ZNF74: variants seen among roughly 807,000 people sequenced by gnomAD.
ZNF74 encodes the protein zinc finger protein 520.
In ZNF74, 12 loss-of-function variants were observed where a neutral mutation model predicts 17.7. The observed-to-expected ratio is 0.68, with a 90% CI of 0.43 to 1.10. The LOEUF is 1.10. ZNF74 is among the 50% of genes least tolerant of loss of function. The probability of loss-of-function intolerance (pLI) is 0.00; values close to 1 mark genes in which losing one functional copy is unlikely to be tolerated. For missense variants in ZNF74, 811 were observed against 881.0 expected (o/e 0.92, Z 1.01); for synonymous variants, 358 against 362.1 (o/e 0.99, Z 0.13).
At position 20,403,845 on chromosome 22, in the gene ZNF74, C is replaced by T. The variant is rs561184614; in HGVS notation, c.344-1532C>T. 1.1e-3 allele frequency among the ~76,000 whole-genome samples: 168 copies of T among 148,804 alleles called. No homozygotes were observed. In the Middle Eastern group the frequency reaches 0.014, roughly 12 times the overall value. On this transcript the variant is annotated intron_variant, in intron 4 of 4. Transcript: ENST00000400451. ...CTCTGTGCAAAAGGCCTTTCTTCCCCGGCTGCCCTCTGAGTCAGGCATCTG... is the reference window on the plus strand; with the variant it reads ...CTCTGTGCAAAAGGCCTTTCTTCCCTGGCTGCCCTCTGAGTCAGGCATCTG...
rs944649501 is a variant in ZNF74 at position 20,406,326 on chromosome 22, C to A, written c.1293C>A (p.Leu431=). 25 of 1,612,434 alleles carry A rather than the reference C, an allele frequency of 1.6e-5. No homozygotes were observed. The highest frequency in any genetic ancestry group is 2.1e-5 in the Non-Finnish European group (25 of 1,179,890). Residue 431 remains leucine (L), a synonymous_variant, in exon 5 of 5, where the codon CTC becomes CTA. Transcript: ENST00000400451. The stretch of plus-strand genomic sequence containing the variant: ...AGGCCTTCAACAGCCGCTCGCGCCT[C>A]ACCCTCCACCAGAGGACGCACACGG... ...CEKAFNSRSR[L]TLHQRTHTGE...
chr22:20,406,071 G>A lies in ZNF74; in HGVS notation c.1038G>A (p.Leu346=). ...AGAAGGCCTTCAGCTGCAGCTCGCT[G>A]CTCAGCATGCACCTGCGGGTGCACA... ...ACEKAFSCSS[L]LSMHLRVHTG... is the part of the protein sequence containing the mutation. Residue 346 remains leucine (L), a synonymous_variant, in exon 5 of 5, where the codon CTG becomes CTA. Transcript: ENST00000400451. 1 of 1,606,224 alleles carries A rather than the reference G, an allele frequency of 6.2e-7. No individual in the cohort carries two copies. The highest frequency in any genetic ancestry group is 8.5e-7 in the Non-Finnish European group (1 of 1,177,942).
intron 1 of ZNF74, chr22:20,395,057 GCTT>G: frequency 2.2e-6 from 1 of 454,476 alleles, no homozygotes. Flanking sequence ...CTGGCCTCCT[GCTT>G]CTTTCTTCCC....
intron 1 of ZNF74, 101 bp from the exon 2 acceptor site, chr22:20,395,232 T>G (rs1601262869): frequency 8.2e-6 from 7 of 852,304 alleles, no homozygotes; most frequent in East Asian, 5.1e-5. Flanking sequence ...TGCTGGCAGG[T>G]TCTGCCTCCT....
Position 20,405,990 on chromosome 22 carries a change from C to T in ZNF74, c.957C>T (p.Leu319=). ...AGGCCTTCAGCTGCCACTCGTCCCT[C>T]AACGTGCACCAGCGCATCCACACGG... ...CGKAFSCHSS[L]NVHQRIHTGE... Residue 319 remains leucine, a synonymous_variant, in exon 5 of 5, where the codon CTC becomes CTT. Transcript: ENST00000400451. 1 of 1,613,538 alleles carries T rather than the reference C, an allele frequency of 6.2e-7. No homozygotes were observed. Among genetic ancestry groups the T allele is most frequent in the Non-Finnish European group, 8.5e-7 (1 of 1,179,826 alleles).
rs2052453238 is a variant in ZNF74, at chr22:20,408,104, C to T, written c.*1136C>T. 1 of 152,178 alleles carries T rather than the reference C, an allele frequency of 6.6e-6. No individual in the cohort carries two copies. 9.4% of individuals were successfully genotyped at this position (152,178 alleles called of 1,614,324 possible). A position where few individuals can be genotyped will look rare whatever the true frequency, so the allele number is the denominator to read the frequency against. ...CACCAGCCCAGGTCACAGAAGAAGC[C>T]CCTCCCAGCACCCACTGGAGAGGGG... On this transcript the variant is annotated 3_prime_UTR_variant, in exon 5 of 5. Transcript: ENST00000400451.
In ZNF74 at chr22:20,394,645, C is replaced by T. The variant is rs766768851; in HGVS notation, c.17C>T (p.Pro6Leu). 1.2e-4 allele frequency: 193 copies of T among 1,614,014 alleles called. No individual in the cohort carries two copies. The highest frequency in any genetic ancestry group is 2.2e-4 in the Admixed American group (13 of 60,010). Reference protein sequence around the residue: MEIPAPEPEKTALSSQ... With the variant: MEIPALEPEKTALSSQ... The stretch of plus-strand genomic sequence containing the variant: ...GTGGAGGCCATGGAGATCCCTGCCC[C>T]GGAGCCCGAGAAGACAGGTACAGCT... The change falls in exon 1 of 5, where the codon CCG becomes CTG. Residue 6 changes from proline (P) to leucine (L), a missense_variant. By Grantham distance (98) the Pro-to-Leu change is moderately conservative. This residue lies in a region of ZNF74 where 666 missense variants were observed against 702.3 expected (regional missense o/e 0.95). Coordinates refer to ENST00000400451, the MANE Select transcript of ZNF74 (RefSeq NM_003426.4).
At position 20,406,493 on chromosome 22, in the gene ZNF74, T is replaced by G; in HGVS notation, c.1460T>G (p.Leu487Arg). The G allele has an allele frequency of 6.2e-7, 1 of 1,613,938 alleles. No individual in the cohort carries two copies. The highest frequency in any genetic ancestry group is 8.5e-7 in the Non-Finnish European group (1 of 1,179,938). Residue 487 changes from leucine (L) to arginine (R), a missense_variant, in exon 5 of 5, where the codon CTC becomes CGC. By Grantham distance (102) the Leu-to-Arg change is moderately radical. This residue lies in a region of ZNF74 where 666 missense variants were observed against 702.3 expected (regional missense o/e 0.95). Coordinates refer to ENST00000400451, the MANE Select transcript of ZNF74 (RefSeq NM_003426.4). ...CGKAFSSHAY[L>R]IVHRRIHTGE... ...AAAGCCTTCAGCTCCCACGCCTACC[T>G]CATCGTGCACCGGCGCATCCACACA...
Position 20,394,278 on chromosome 22 carries a change from G to T in ZNF74, c.-351G>T. The T allele has an allele frequency of 1.4e-6, 1 of 706,370 alleles. No individual in the cohort carries two copies. The allele number at this position is 706,370 out of a possible 1,614,324, so 43.8% of individuals were successfully genotyped here. ...TCGGGACCTGTCCGCTGGTCGCTCC[G>T]CGTCCGATGGCTCCTGGCCGCGGAA... is the stretch of plus-strand genomic sequence containing the variant. On this transcript the variant is annotated 5_prime_UTR_variant, in exon 1 of 5. Transcript: ENST00000400451.
chr22:20,402,184 G>A (rs183887528), intron 4 of ZNF74, among the ~76,000 whole-genome samples: 60 of 152,248 alleles, frequency 3.9e-4, no homozygotes, highest in African/African-American at 1.3e-3. Context: ...CACAGAACAC[G>A]GGGGTCGGGG....
At chr22:20,398,144 CCT>C (rs1466952017) in intron 2 of ZNF74, among the ~76,000 whole-genome samples, 5 of 152,030 alleles carry the variant, frequency 3.3e-5, no homozygotes, top group African/African-American at 1.2e-4. Context: ...ATGGTGAAAC[CCT>C]GTCTCTACTA....
At position 20,401,074 on chromosome 22, in the gene ZNF74, C is replaced by T. The variant is rs954019317; in HGVS notation, c.248-203C>T. The T allele has an allele frequency of 4.4e-5, 26 of 595,106 alleles. No homozygotes were observed. Among genetic ancestry groups the T allele is most frequent in the Non-Finnish European group, 7.2e-5 (24 of 334,676 alleles). 36.9% of individuals were successfully genotyped at this position (595,106 alleles called of 1,614,324 possible). ...CAGTCCTCAAGCAATGAAGTAAGGA[C>T]GTCAGCACACGTGGGGTCTTCAGAG... On this transcript the variant is annotated intron_variant, in intron 3 of 4. Coordinates refer to ENST00000400451, the MANE Select transcript of ZNF74 (RefSeq NM_003426.4). This position sits in a 1 kb window ranked among gnomAD's most constrained non-coding sequence, Gnocchi z 4.2.
chr22:20,405,332 C>G (rs1349770513), intron 4 of ZNF74, 45 bp from the exon 5 acceptor site: 4 of 1,542,964 alleles, frequency 2.6e-6, no homozygotes, highest in Non-Finnish European at 3.5e-6. Flanking sequence ...AATTCTAGGC[C>G]AGGTTTCCGC....
At chr22:20,400,486 G>A (rs1387870536) in intron 2 of ZNF74, 146 bp from the exon 3 acceptor site, 2 of 921,388 alleles carry the variant, frequency 2.2e-6, no homozygotes, top group African/African-American at 1.6e-5. Context: ...TTCAGTCATG[G>A]TCAGTGTCTA....
intron 2 of ZNF74, among the ~76,000 whole-genome samples, chr22:20,397,084 T>A (rs1012097730): frequency 6.7e-6 from 1 of 148,612 alleles, no homozygotes; most frequent in African/African-American, 2.5e-5. Context: ...TCTTTTTCTT[T>A]TTTTTTTTTT....
chr22:20,400,515 TG>T, intron 2 of ZNF74, 116 bp from the exon 3 acceptor site: 1 of 1,270,088 alleles, frequency 7.9e-7, no homozygotes, highest in Non-Finnish European at 1.1e-6. Flanking sequence ...CCTTCTGGCA[TG>T]GGAGAAGGTC....
Position 20,406,506 on chromosome 22 carries a change from G to A in ZNF74, c.1473G>A (p.Arg491=), listed in dbSNP as rs1440764499. 6.2e-7 allele frequency: 1 copy of A among 1,612,650 alleles called. No homozygotes were observed. The highest frequency in any genetic ancestry group is 1.1e-5 in the South Asian group (1 of 91,012). The change falls in exon 5 of 5, where the codon CGG becomes CGA. Residue 491 remains arginine (R), a synonymous_variant. Transcript: ENST00000400451. ...FSSHAYLIVH[R]RIHTGEKPFD... ...CCCACGCCTACCTCATCGTGCACCG[G>A]CGCATCCACACAGGCGAGAAGCCCT...
intron 2 of ZNF74, chr22:20,400,369 G>C: frequency 2.2e-6 from 1 of 457,982 alleles, no homozygotes; most frequent in Non-Finnish European, 4.0e-6. Flanking sequence ...CCCACCGCAA[G>C]TTGCCAGGGC....
chr22:20,397,051 G>A (rs1003170454), intron 2 of ZNF74, among the ~76,000 whole-genome samples: 1 of 150,376 alleles, frequency 6.6e-6, no homozygotes, highest in Non-Finnish European at 1.5e-5. Flanking sequence ...TGATACCTGT[G>A]GAGCTATTTT....
Sources: allele counts gnomAD v4.1 joint callset (sites outside exome capture counted in the v4.1 genomes callset), GRCh38; gene constraint gnomAD v4.1.1; regional missense constraint gnomAD v4.1.1; non-coding constraint Gnocchi (gnomAD v3.1); transcripts MANE v1.5; gene names NCBI Gene and HGNC (gene_info 2026-07-23, HGNC 2026-07-21).